The following TTLL10 variants were observed in gnomAD, a reference collection of about 807,000 sequenced individuals.
TTLL10 encodes tubulin tyrosine ligase like 10, also known as inactive polyglycylase TTLL10.
TTLL10 carries 61 observed loss-of-function variants against 69.0 expected under a neutral mutation model. That is an observed-to-expected ratio of 0.88 (90% CI 0.72 to 1.09). The LOEUF is 1.09. Ranked by LOEUF, TTLL10 falls within the 50% of genes least tolerant of loss-of-function variation. The pLI, the probability that TTLL10 is intolerant of heterozygous loss-of-function variation, is 0.00. For synonymous variants in TTLL10, 408 were observed against 393.3 expected, an observed-to-expected ratio of 1.04 and a Z score of -0.44; for missense variants, 962 against 945.9, an observed-to-expected ratio of 1.02 and a Z score of -0.22.
Position 1,183,029 on chromosome 1 carries a change from A to G in TTLL10, c.1070A>G (p.Gln357Arg). ...CACAAGACGCCGTTCCGGGGGCCTC[A>G]GGCGCGGGTGGTGCAGAGGTGCGGC... ...IHHKTPFRGPQARVVQRYIQN... is the reference protein window; with the variant it reads ...IHHKTPFRGPRARVVQRYIQN... Residue 357 changes from glutamine to arginine, a missense_variant, in exon 11 of 16, where the codon CAG becomes CGG. Coordinates refer to ENST00000379289, the MANE Select transcript of TTLL10 (RefSeq NM_001130045.2). 1 of 1,607,358 alleles carries G rather than the reference A, an allele frequency of 6.2e-7. No individual in the cohort carries two copies. Among genetic ancestry groups the G allele is most frequent in the Non-Finnish European group, 8.5e-7 (1 of 1,177,508 alleles).
intron 13 of TTLL10, among the ~76,000 whole-genome samples, chr1:1,188,782 G>A (rs961433037): frequency 3.2e-4 from 49 of 152,156 alleles, no homozygotes; most frequent in East Asian, 1.9e-4. Flanking sequence ...TTAGTCTTCC[G>A]ATCCATGAAT....
chr1:1,196,416 T>G, intron 13 of TTLL10, 184 bp from the exon 14 acceptor site: 1 of 593,370 alleles, frequency 1.7e-6, no homozygotes. Flanking sequence ...CTGCACGAGT[T>G]TGTTGAGTGA....
chr1:1,185,476 G>A lies in TTLL10; in HGVS notation c.1401+367G>A. The A allele has an allele frequency of 1.9e-6, 2 of 1,078,028 alleles. No individual in the cohort carries two copies. The highest frequency in any genetic ancestry group is 2.2e-6 in the Non-Finnish European group (2 of 889,438). 66.8% of individuals were successfully genotyped at this position (1,078,028 alleles called of 1,614,324 possible). On this transcript the variant is annotated intron_variant, in intron 13 of 15. Coordinates refer to ENST00000379289, the MANE Select transcript of TTLL10 (RefSeq NM_001130045.2). The surrounding 1 kb of genome is among the most constrained non-coding windows in gnomAD (Gnocchi z 6.1). The stretch of plus-strand genomic sequence containing the variant: ...AGGGCCAACAGCAGCCCCCGGGCCA[G>A]GTGTCCTGGAGCAGCAGCAGCTGCC...
In TTLL10 at chr1:1,197,674, T is replaced by A. The variant is rs1274289237; in HGVS notation, c.1849T>A (p.Leu617Met). The change falls in exon 16 of 16, where the codon TTG (leucine) becomes ATG (methionine). Residue 617 changes from leucine to methionine, a missense_variant. Coordinates refer to ENST00000379289, the MANE Select transcript of TTLL10 (RefSeq NM_001130045.2). ...CGCCCGCAGGCCTGCGCCACCTCCC[T>A]TGGTGCCGCAGCGTCCCCGGCCACC... ...PGARRPAPPP[L>M]VPQRPRPPGP... The A allele has an allele frequency of 1.3e-6, 2 of 1,503,456 alleles. No individual in the cohort carries two copies. The highest frequency in any genetic ancestry group is 8.8e-7 in the Non-Finnish European group (1 of 1,133,382). The allele number at this position is 1,503,456 out of a possible 1,614,324, so 93.1% of individuals were successfully genotyped here.
intron 7 of TTLL10, 62 bp downstream of exon 7, chr1:1,180,663 G>C (rs539778664): frequency 1.4e-4 from 222 of 1,559,926 alleles, no homozygotes; most frequent in Non-Finnish European, 1.8e-4. Flanking sequence ...GGAGCACAGG[G>C]CAGGTTGGAG....
intron 11 of TTLL10, among the ~76,000 whole-genome samples, 168 bp downstream of exon 11, chr1:1,183,215 G>T (rs980934241): frequency 6.6e-6 from 1 of 152,192 alleles, no homozygotes; most frequent in East Asian, 1.9e-4. Flanking sequence ...GAGGGGAGGG[G>T]TCACACCAGG....
In TTLL10 at chr1:1,180,712, C is replaced by A. The variant is rs74449618; in HGVS notation, c.626-19C>A. On this transcript the variant is annotated intron_variant, in intron 7 of 15. Transcript: ENST00000379289. The stretch of plus-strand genomic sequence containing the variant: ...GGTCCTGCGCTCCCTCCACACGAGC[C>A]CTGGCCTCTGACCTCCAGGAGAGCA... 225 of 1,598,420 alleles carry A rather than the reference C, an allele frequency of 1.4e-4. 1 individual carries two copies. In the African/African-American group the frequency reaches 2.6e-3, roughly 19 times the overall value.
At chr1:1,192,718 T>C (rs1647906240) in intron 13 of TTLL10, among the ~76,000 whole-genome samples, 1 of 152,224 alleles carries the variant, frequency 6.6e-6, no homozygotes, top group Admixed American at 6.5e-5. Context: ...GACACTCCAG[T>C]TGATATCAGT....
intron 3 of TTLL10, among the ~76,000 whole-genome samples, chr1:1,176,916 G>A (rs1407438323): frequency 6.6e-6 from 1 of 152,146 alleles, no homozygotes; most frequent in South Asian, 2.1e-4. Context: ...CTCTCTGAGG[G>A]GTCCTGTCTC....
intron 11 of TTLL10, among the ~76,000 whole-genome samples, chr1:1,183,393 T>C (rs1647140518): frequency 6.6e-6 from 1 of 152,194 alleles, no homozygotes; most frequent in Non-Finnish European, 1.5e-5. Context: ...ATGGCCAAGC[T>C]GACCACTCCT....
chr1:1,179,704 G>C lies in TTLL10; in HGVS notation c.166G>C (p.Gly56Arg). Residue 56 changes from glycine (G) to arginine (R), a missense_variant, in exon 5 of 16, where the codon GGC (glycine) becomes CGC (arginine). By Grantham distance (125) the Gly-to-Arg change is moderately radical (BLOSUM62 -2). Transcript: ENST00000379289. ...GCACCCAGCACCGGCCTCACAGCCC[G>C]GCCCCTGCCCTGCACCAGGCCACTG... ...RLHPAPASQP[G>R]PCPAPGHCPV... 6.4e-7 allele frequency: 1 copy of C among 1,550,576 alleles called. No homozygotes were observed. The highest frequency in any genetic ancestry group is 8.7e-7 in the Non-Finnish European group (1 of 1,146,768).
Position 1,197,449 on chromosome 1 carries a change from G to T in TTLL10, c.1624G>T (p.Glu542Ter), listed in dbSNP as rs1433762009. Residue 542 changes from glutamate to a stop codon, truncating the protein, a stop_gained, in exon 16 of 16, where the codon GAG (glutamate) becomes TAG (stop). Coordinates refer to ENST00000379289, the MANE Select transcript of TTLL10 (RefSeq NM_001130045.2). LOFTEE classifies it high-confidence loss of function. The part of the protein sequence containing the change: ...VVIETLDLVL[E>*]TFRKSLRGQK... ...CCCACCCGCACCAGACCTGGTGCTCGAGACCTTCCGGAAGAGCCTGCGCGG... is the reference window on the plus strand; with the variant it reads ...CCCACCCGCACCAGACCTGGTGCTCTAGACCTTCCGGAAGAGCCTGCGCGG... 2 of 1,535,720 alleles carry T rather than the reference G, an allele frequency of 1.3e-6. No individual in the cohort carries two copies. Among genetic ancestry groups the T allele is most frequent in the Admixed American group, 2.0e-5 (1 of 49,736 alleles).
At chr1:1,187,585 G>A (rs781154387) in intron 13 of TTLL10, among the ~76,000 whole-genome samples, 12 of 152,040 alleles carry the variant, frequency 7.9e-5, no homozygotes, top group African/African-American at 9.7e-5. Flanking sequence ...AGCCAAGATC[G>A]TGCCACTGCA....
At chr1:1,188,114 C>T (rs1202648250) in intron 13 of TTLL10, among the ~76,000 whole-genome samples, 1 of 150,440 alleles carries the variant, frequency 6.6e-6, no homozygotes, top group East Asian at 1.9e-4. Flanking sequence ...CTATTCTTTC[C>T]CCCATGGAAT....
At chr1:1,176,902 G>A (rs978989877) in intron 3 of TTLL10, among the ~76,000 whole-genome samples, 2 of 152,154 alleles carry the variant, frequency 1.3e-5, no homozygotes, top group East Asian at 1.9e-4. Flanking sequence ...TTAAAAGCAC[G>A]CGGCTCTCTG....
chr1:1,197,308 G>A, intron 15 of TTLL10, 122 bp downstream of exon 15: 1 of 1,319,458 alleles, frequency 7.6e-7, no homozygotes, highest in South Asian at 1.3e-5. Flanking sequence ...GGGCCTGTGT[G>A]GCAGCGCCGC....
At chr1:1,175,318 G>GT in intron 3 of TTLL10, 1 of 246,212 alleles carries the variant, frequency 4.1e-6, no homozygotes, top group East Asian at 1.0e-4. Context: ...AGTTTCCTGG[G>GT]TGGGGGGGTG....
intron 13 of TTLL10, among the ~76,000 whole-genome samples, chr1:1,191,802 G>A (rs892940089): frequency 2.0e-5 from 3 of 152,210 alleles, no homozygotes; most frequent in Non-Finnish European, 2.9e-5. Context: ...TTAACTAAAA[G>A]TATCCCTTAC....
At chr1:1,179,916 G>C in intron 5 of TTLL10, 118 bp from the exon 6 acceptor site, 2 of 1,438,762 alleles carry the variant, frequency 1.4e-6, no homozygotes, top group Non-Finnish European at 9.1e-7. Flanking sequence ...CCCCAGACGG[G>C]CCAGGGGGAT....
Sources: gnomAD v4.1 joint callset for allele counts (sites outside exome capture counted in the v4.1 genomes callset) on GRCh38, gnomAD v4.1.1 for gene constraint, Gnocchi (gnomAD v3.1) non-coding constraint, MANE v1.5 for transcripts, NCBI Gene and HGNC (gene_info 2026-07-23, HGNC 2026-07-21) for gene names.